The following CSPP1 variants were observed in gnomAD, a reference collection of about 807,000 sequenced individuals.
CSPP1 encodes the protein centrosome and spindle pole-associated protein 1.
In CSPP1, 126 loss-of-function variants were observed where a neutral mutation model predicts 164.4. The observed-to-expected ratio is 0.77, with a 90% CI of 0.66 to 0.89. The LOEUF (loss-of-function observed/expected upper bound fraction) is 0.89. CSPP1 is among the 40% of genes least tolerant of loss of function. CSPP1 has a pLI of 0.00. For missense variants in CSPP1, 1,395 were observed against 1,449.8 expected (o/e 0.96, Z 0.61); for synonymous variants, 472 against 476.7 (o/e 0.99, Z 0.13).
At chr8:67,114,765 T>C (rs1817584908) in intron 12 of CSPP1, 1 of 152,252 alleles carries the variant, frequency 6.6e-6, no homozygotes, top group South Asian at 2.1e-4. Flanking sequence ...CTTTTTAATG[T>C]AATATGTTGG....
At chr8:67,140,122 T>C (rs1823206550) in intron 17 of CSPP1, among the ~76,000 whole-genome samples, 1 of 152,186 alleles carries the variant, frequency 6.6e-6, no homozygotes. Context: ...TTTCACTCTG[T>C]CACCCAGGCT....
chr8:67,078,348 T>A (rs892008463), intron 3 of CSPP1, among the ~76,000 whole-genome samples: 10 of 152,004 alleles, frequency 6.6e-5, no homozygotes, highest in East Asian at 3.9e-4. Flanking sequence ...CTCCTTAACA[T>A]CTTTTTTTTT....
chr8:67,118,257 T>A lies in CSPP1; in HGVS notation c.1506T>A (p.Pro502=), dbSNP rs1323516146. 6.2e-7 allele frequency: 1 copy of A among 1,613,596 alleles called. No homozygotes were observed. The highest frequency in any genetic ancestry group is 1.7e-5 in the Admixed American group (1 of 59,998). ...CTTTCTTTTCATACAGGATTGCACC[T>A]CTGCCTCCACCTCCCCTACTACCAC... is the stretch of plus-strand genomic sequence containing the variant. The part of the protein sequence containing the change: ...LGEMVSPRIA[P]LPPPPLLPPL... The change falls in exon 14 of 31, where the codon CCT becomes CCA. Residue 502 remains proline, a synonymous_variant. Transcript: ENST00000678616.
rs1318821212 is a variant in CSPP1, at chr8:67,149,889, CA to C, written c.2083del (p.Thr695LeufsTer7). Reference sequence around the variant, plus strand: ...TTGTATCTCTAGACCCAAATTTAGCCACTTCAAATGCTGAGAACCTAGAAGA... The same window carrying C: ...TTGTATCTCTAGACCCAAATTTAGCCCTTCAAATGCTGAGAACCTAGAAGA... ...AVVSLDPNLATSNAENLEDAA... is the reference protein window; with the variant it reads ...AVVSLDPNLAXSNAENLEDAA... On this transcript the variant is annotated frameshift_variant, in exon 18 of 31. Transcript: ENST00000678616. LOFTEE classifies it high-confidence loss of function. The C allele has an allele frequency of 6.2e-7, 1 of 1,603,162 alleles. No homozygotes were observed. The highest frequency in any genetic ancestry group is 8.5e-7 in the Non-Finnish European group (1 of 1,175,784).
chr8:67,164,947 C>T (rs1829021754), intron 24 of CSPP1, among the ~76,000 whole-genome samples: 1 of 152,110 alleles, frequency 6.6e-6, no homozygotes, highest in African/African-American at 2.4e-5. Flanking sequence ...CTTTCTTTCT[C>T]TTTTTAAAAA....
In CSPP1 at chr8:67,159,957, CTTTCTTTTCTTTTCTTTTCT is replaced by C. The variant is rs758860786; in HGVS notation, c.2538+879_2538+898del. ...TCCTTCCTTCCTTCCTTCCTTCCTTCTTTCTTTTCTTTTCTTTTCTTTTCTTTTCTTTTCTTTTCTTTTCT... is the reference window on the plus strand; with the variant it reads ...TCCTTCCTTCCTTCCTTCCTTCCTTCTTTCTTTTCTTTTCTTTTCTTTTCT... On this transcript the variant is annotated intron_variant, in intron 21 of 30. Coordinates refer to ENST00000678616, the MANE Select transcript of CSPP1 (RefSeq NM_001382391.1). Among the ~76,000 whole-genome samples, 41 of 20,020 alleles carry C rather than the reference CTTTCTTTTCTTTTCTTTTCT, an allele frequency of 2.0e-3. 1 individual carries two copies. The highest frequency in any genetic ancestry group is 2.7e-3 in the Non-Finnish European group (30 of 11,204). The allele number at this position is 20,020 out of a possible 152,430, so 13.1% of individuals were successfully genotyped here. A position where few individuals can be genotyped will look rare whatever the true frequency, so the allele number is the denominator to read the frequency against.
rs747643553 is a variant in CSPP1 at position 67,149,817 on chromosome 8, T to C, written c.2010T>C (p.Asp670=). The change falls in exon 18 of 31, where the codon GAT becomes GAC. Residue 670 remains aspartate, a synonymous_variant. Coordinates refer to ENST00000678616, the MANE Select transcript of CSPP1 (RefSeq NM_001382391.1). ...DLNRMHRQNI[D]AYHNPDARTY... is the part of the protein sequence containing the mutation. ...ATAGGATGCACAGACAAAATATAGA[T>C]GCCTACCATAACCCAGATGCAAGAA... 1.9e-6 allele frequency: 3 copies of C among 1,598,774 alleles called. No individual in the cohort carries two copies. Among genetic ancestry groups the C allele is most frequent in the Non-Finnish European group, 2.6e-6 (3 of 1,174,312 alleles).
At chr8:67,074,830 G>C (rs549222742) in intron 2 of CSPP1, 1 of 295,658 alleles carries the variant, frequency 3.4e-6, no homozygotes, top group Non-Finnish European at 6.4e-6. Flanking sequence ...GGCCAGGCAG[G>C]ACTGCAATGG....
Position 67,146,438 on chromosome 8 carries a change from T to C in CSPP1, c.1976-3345T>C, listed in dbSNP as rs146820099. On this transcript the variant is annotated intron_variant, in intron 17 of 30. Transcript: ENST00000678616. The stretch of plus-strand genomic sequence containing the variant: ...GCGCCCAGCTGGAGAGAATATACTT[T>C]TAATGACTTCAGTGTTTTTAAGTTT... Among the ~76,000 whole-genome samples, 32 of 152,332 alleles carry C rather than the reference T, an allele frequency of 2.1e-4. 1 individual carries two copies. In the East Asian group the frequency reaches 3.7e-3, roughly 17 times the overall value.
intron 15 of CSPP1, among the ~76,000 whole-genome samples, chr8:67,131,721 C>T (rs1035540371): frequency 6.6e-6 from 1 of 152,176 alleles, no homozygotes; most frequent in African/African-American, 2.4e-5. Context: ...GTAACTATCA[C>T]CTAGCTTAAG....
At chr8:67,179,270 A>G (rs182431940) in intron 27 of CSPP1, among the ~76,000 whole-genome samples, 6 of 152,194 alleles carry the variant, frequency 3.9e-5, no homozygotes, top group Admixed American at 2.6e-4. Flanking sequence ...ACTATACTAT[A>G]TGCTCCACTA....
chr8:67,178,804 G>T (rs892965381), intron 27 of CSPP1, among the ~76,000 whole-genome samples: 2 of 152,184 alleles, frequency 1.3e-5, no homozygotes, highest in African/African-American at 4.8e-5. Context: ...AGGGGGTGAC[G>T]AGGGGAGGCA....
chr8:67,094,665 G>C lies in CSPP1; in HGVS notation c.484-628G>C, dbSNP rs182179468. Among the ~76,000 whole-genome samples the C allele has an allele frequency of 5.9e-5, 9 of 152,176 alleles. No homozygotes were observed. The East Asian group carries it at 1.7e-3, about 29-fold the overall frequency. On this transcript the variant is annotated intron_variant, in intron 6 of 30. Coordinates refer to ENST00000678616, the MANE Select transcript of CSPP1 (RefSeq NM_001382391.1). ...GCTGGTCTTGAACTCCCAGGCTCAA[G>C]CAATCCACTGGCCTCCACCTAGAAT...
Position 67,195,820 on chromosome 8 carries a change from A to AAATT in CSPP1, c.*229_*232dup, listed in dbSNP as rs1837833986. On this transcript the variant is annotated 3_prime_UTR_variant, in exon 31 of 31. Coordinates refer to ENST00000678616, the MANE Select transcript of CSPP1 (RefSeq NM_001382391.1). ...GATTATTTTTGCACAGTTTTGTCAT[A>AAATT]AATTAGGGTGGTAATGAACTGGATT... The AAATT allele has an allele frequency of 2.0e-6, 1 of 491,066 alleles. No homozygotes were observed. 30.4% of individuals were successfully genotyped at this position (491,066 alleles called of 1,614,324 possible). A position where few individuals can be genotyped will look rare whatever the true frequency, so the allele number is the denominator to read the frequency against.
intron 8 of CSPP1, among the ~76,000 whole-genome samples, chr8:67,104,221 T>G (rs962731182): frequency 6.6e-6 from 1 of 152,098 alleles, no homozygotes; most frequent in Non-Finnish European, 1.5e-5. Context: ...AAGTTTCCTT[T>G]GAGGATTTTT....
chr8:67,109,802 C>G (rs1410256357), intron 9 of CSPP1, among the ~76,000 whole-genome samples: 1 of 152,098 alleles, frequency 6.6e-6, no homozygotes, highest in Admixed American at 6.5e-5. Context: ...AAAAAGCTCT[C>G]TGCAGGAAAG....
In CSPP1 at chr8:67,115,971, C is replaced by T; in HGVS notation, c.1345C>T (p.Pro449Ser). ...AAGACACTTTGAAGAGATGATACCA[C>T]CTGAAAGACCCAGAATAGCTTTCCA... ...APRHFEEMIP[P>S]ERPRIAFQTP... is the part of the protein sequence containing the mutation. The change falls in exon 13 of 31, where the codon CCT (proline) becomes TCT (serine). Residue 449 changes from proline to serine, a missense_variant. Physicochemically the swap from Pro to Ser is moderately conservative, Grantham distance 74. Transcript: ENST00000678616. The T allele has an allele frequency of 6.2e-7, 1 of 1,613,940 alleles. No homozygotes were observed. Among genetic ancestry groups the T allele is most frequent in the Non-Finnish European group, 8.5e-7 (1 of 1,179,936 alleles).
chr8:67,080,188 T>TA (rs967232828), intron 3 of CSPP1, among the ~76,000 whole-genome samples: 7 of 152,196 alleles, frequency 4.6e-5, no homozygotes, highest in Non-Finnish European at 1.0e-4. Flanking sequence ...TTAGGAATTA[T>TA]AAAAAACAGG....
intron 29 of CSPP1, among the ~76,000 whole-genome samples, chr8:67,192,066 G>GTTTT (rs34907123): frequency 1.2e-4 from 15 of 129,844 alleles, no homozygotes; most frequent in African/African-American, 3.6e-4. Context: ...TTGCTGATTT[G>GTTTT]TTTTTTTTTT....
Sources: allele counts gnomAD v4.1 joint callset (sites outside exome capture counted in the v4.1 genomes callset), GRCh38; gene constraint gnomAD v4.1.1; transcripts MANE v1.5; gene names NCBI Gene and HGNC (gene_info 2026-07-23, HGNC 2026-07-21).